VAPA: variants seen among roughly 807,000 people sequenced by gnomAD.
VAPA encodes vesicle-associated membrane protein-associated protein A.
Under a neutral mutation model 25.6 loss-of-function variants are expected in VAPA, and 6 were observed. The observed-to-expected ratio is 0.23, with a 90% CI of 0.13 to 0.46. The LOEUF is 0.46. Ranked by LOEUF, VAPA falls within the 20% of genes least tolerant of loss-of-function variation. The probability of loss-of-function intolerance (pLI) is 0.99; values close to 1 mark genes in which losing one functional copy is unlikely to be tolerated. For synonymous variants in VAPA, 112 were observed against 106.2 expected (o/e 1.05, Z -0.34); for missense variants, 244 against 302.1 (o/e 0.81, Z 1.43).
At chr18:9,936,031 A>C in intron 2 of VAPA, 79 bp from the exon 3 acceptor site, 1 of 1,014,580 alleles carries the variant, frequency 9.9e-7, no homozygotes, top group South Asian at 2.4e-5. Context: ...ACTTAGTATA[A>C]TTTAATCTGT....
At chr18:9,924,348 C>CA (rs572636331) in intron 1 of VAPA, among the ~76,000 whole-genome samples, 107 of 152,278 alleles carry the variant, frequency 7.0e-4, no homozygotes, top group African/African-American at 2.4e-3. Flanking sequence ...GCACTAATTT[C>CA]ACGTTCATTC....
intron 1 of VAPA, among the ~76,000 whole-genome samples, chr18:9,927,206 CAGAT>C (rs1397635082): frequency 2.6e-5 from 4 of 152,202 alleles, no homozygotes; most frequent in Non-Finnish European, 5.9e-5. Context: ...CTGGACAGGG[CAGAT>C]AGATATGCTG....
chr18:9,942,382 G>A (rs1027715772), intron 4 of VAPA, among the ~76,000 whole-genome samples: 6 of 152,050 alleles, frequency 3.9e-5, no homozygotes, highest in African/African-American at 1.4e-4. Context: ...AATTGTTGAT[G>A]CACTCTCCTC....
At chr18:9,926,746 T>C (rs1599100544) in intron 1 of VAPA, among the ~76,000 whole-genome samples, 1 of 152,088 alleles carries the variant, frequency 6.6e-6, no homozygotes. Flanking sequence ...GAAGACCTTA[T>C]CTTGATTATA....
At chr18:9,945,424 A>G (rs1198541708) in intron 4 of VAPA, among the ~76,000 whole-genome samples, 2 of 123,832 alleles carry the variant, frequency 1.6e-5, no homozygotes, top group Admixed American at 1.1e-4. Context: ...GCATGGCACA[A>G]TTTCAGCTCA....
intron 1 of VAPA, among the ~76,000 whole-genome samples, chr18:9,915,399 G>T (rs560965646): frequency 1.3e-5 from 2 of 152,158 alleles, no homozygotes; most frequent in Non-Finnish European, 2.9e-5. Context: ...TTGTCAATAT[G>T]TAGTGTACTT....
intron 4 of VAPA, chr18:9,948,977 C>T (rs2069456943): frequency 6.6e-6 from 1 of 152,200 alleles, no homozygotes; most frequent in Non-Finnish European, 1.5e-5. Context: ...ATTGCCACCT[C>T]CTTTATAGAG....
At chr18:9,953,040 T>A (rs559677054) in intron 5 of VAPA, among the ~76,000 whole-genome samples, 156 of 152,318 alleles carry the variant, frequency 1.0e-3, no homozygotes, top group Middle Eastern at 6.8e-3. Flanking sequence ...GTCCTGCCAT[T>A]TATCAGATTG....
intron 1 of VAPA, among the ~76,000 whole-genome samples, chr18:9,922,891 TCTTTG>T (rs1477749283): frequency 1.3e-5 from 2 of 152,222 alleles, no homozygotes; most frequent in African/African-American, 4.8e-5. Context: ...AATAAAATAT[TCTTTG>T]CTTAAATGAG....
intron 1 of VAPA, among the ~76,000 whole-genome samples, chr18:9,928,700 T>C (rs553633350): frequency 7.9e-5 from 12 of 152,244 alleles, no homozygotes; most frequent in African/African-American, 2.4e-4. Context: ...GCCCTAGCTA[T>C]AACATAAGGG....
rs775809597 is a variant in VAPA, at chr18:9,945,059, G to A, written c.418-5336G>A. 8 of 1,613,690 alleles carry A rather than the reference G, an allele frequency of 5.0e-6. No homozygotes were observed. The East Asian group carries it at 1.6e-4, about 31-fold the overall frequency. ...TGTGTTGAAACAGGAGAAACAGAAGGTTTGTTATAGGGAGTTAACAGACTT... is the reference window on the plus strand; with the variant it reads ...TGTGTTGAAACAGGAGAAACAGAAGATTTGTTATAGGGAGTTAACAGACTT... On this transcript the variant is annotated intron_variant, in intron 4 of 5. Transcript: ENST00000400000.
intron 4 of VAPA, chr18:9,944,915 C>T: frequency 6.2e-7 from 1 of 1,613,038 alleles, no homozygotes; most frequent in Non-Finnish European, 8.5e-7. Flanking sequence ...GTTTCCCATG[C>T]CATCTCAGGG....
chr18:9,920,547 C>G (rs1046929645), intron 1 of VAPA, among the ~76,000 whole-genome samples: 10 of 152,252 alleles, frequency 6.6e-5, no homozygotes, highest in Admixed American at 5.9e-4. Context: ...ATCCACCTGC[C>G]TCTGCCTCCC....
intron 2 of VAPA, among the ~76,000 whole-genome samples, chr18:9,934,377 A>C (rs921469495): frequency 2.0e-5 from 3 of 152,146 alleles, no homozygotes; most frequent in African/African-American, 4.8e-5. Flanking sequence ...TTTATTCACA[A>C]ATTTTTGGTT....
chr18:9,942,952 G>A (rs1032778411), intron 4 of VAPA, among the ~76,000 whole-genome samples: 9 of 152,124 alleles, frequency 5.9e-5, no homozygotes, highest in African/African-American at 1.9e-4. Context: ...TGTTGTATGC[G>A]TATACCCCAC....
chr18:9,937,458 G>A (rs1417188087), intron 4 of VAPA, among the ~76,000 whole-genome samples: 2 of 152,012 alleles, frequency 1.3e-5, no homozygotes, highest in Non-Finnish European at 2.9e-5. Flanking sequence ...TACATGGACA[G>A]TTTATTCCAG....
At chr18:9,940,253 A>G (rs2069353402) in intron 4 of VAPA, among the ~76,000 whole-genome samples, 1 of 152,012 alleles carries the variant, frequency 6.6e-6, no homozygotes, top group Non-Finnish European at 1.5e-5. Flanking sequence ...TTGCCTGGTA[A>G]GGAGACTTTT....
intron 1 of VAPA, chr18:9,914,753 C>G (rs2069097214): frequency 6.6e-6 from 1 of 151,970 alleles, no homozygotes; most frequent in African/African-American, 2.4e-5. Context: ...CGAGGGCGTG[C>G]GCTCTGGGCT....
chr18:9,950,350 G>A, intron 4 of VAPA, 45 bp from the exon 5 acceptor site: 1 of 1,582,150 alleles, frequency 6.3e-7, no homozygotes. Flanking sequence ...AAACCTGTAA[G>A]GAGATTTGGT....
Sources: gnomAD v4.1 joint callset for allele counts (sites outside exome capture counted in the v4.1 genomes callset) on GRCh38, gnomAD v4.1.1 for gene constraint, MANE v1.5 for transcripts, NCBI Gene and HGNC (gene_info 2026-07-23, HGNC 2026-07-21) for gene names.